GABRB1: variants seen among roughly 807,000 people sequenced by gnomAD.
GABRB1 encodes gamma-aminobutyric acid type A receptor subunit beta1.
Under a neutral mutation model 51.6 loss-of-function variants are expected in GABRB1, and 17 were observed. The observed-to-expected ratio is 0.33, with a 90% CI of 0.23 to 0.49. The LOEUF is 0.49. GABRB1 is among the 20% of genes least tolerant of loss of function. The pLI, the probability that GABRB1 is intolerant of heterozygous loss-of-function variation, is 0.99. For synonymous variants in GABRB1, 247 were observed against 218.9 expected, an observed-to-expected ratio of 1.13 and a Z score of -1.14; for missense variants, 410 against 600.6, an observed-to-expected ratio of 0.68 and a Z score of 3.32.
At chr4:47,196,872 C>A (rs777589277) in intron 4 of GABRB1, among the ~76,000 whole-genome samples, 17 of 152,232 alleles carry the variant, frequency 1.1e-4, no homozygotes, top group Non-Finnish European at 2.2e-4. Flanking sequence ...CTCTGTAGAG[C>A]AGTCCTTTAC....
At chr4:47,286,766 A>G (rs1310062832) in intron 4 of GABRB1, among the ~76,000 whole-genome samples, 3 of 152,230 alleles carry the variant, frequency 2.0e-5, no homozygotes, top group Non-Finnish European at 2.9e-5. Context: ...AATGTAGACA[A>G]TAAATTAATA....
chr4:47,323,323 T>C (rs1725148031), intron 5 of GABRB1, among the ~76,000 whole-genome samples: 1 of 152,202 alleles, frequency 6.6e-6, no homozygotes, highest in South Asian at 2.1e-4. Context: ...TAAACCAATG[T>C]AGAGTTCCTA....
rs543931748 is a variant in GABRB1 at position 47,422,717 on chromosome 4, T to G, written c.1081-2957T>G. On this transcript the variant is annotated intron_variant, in intron 8 of 8. Coordinates refer to ENST00000295454, the MANE Select transcript of GABRB1 (RefSeq NM_000812.4). ...ACATTATCCCAGTCATCACCACATA[T>G]ACATTATTTGCTGGACACCACCACA... 5.0e-4 allele frequency among the ~76,000 whole-genome samples: 76 copies of G among 152,324 alleles called. 1 individual carries two copies. Among genetic ancestry groups the G allele is most frequent in the African/African-American group, 1.6e-3 (66 of 41,574 alleles).
At chr4:47,032,302 G>A (rs1725353509) in intron 2 of GABRB1, 115 bp from the exon 3 acceptor site, 3 of 971,232 alleles carry the variant, frequency 3.1e-6, no homozygotes, top group Non-Finnish European at 4.6e-6. Flanking sequence ...GGGTGGTGGG[G>A]GGAGCAGGGA....
At chr4:47,027,169 T>C (rs907975248), upstream of GABRB1, among the ~76,000 whole-genome samples, 32 of 151,596 alleles carry the variant, frequency 2.1e-4, no homozygotes, top group Non-Finnish European at 3.7e-4. Flanking sequence ...AGAGCGTACA[T>C]TTTGAAACAA....
intron 1 of GABRB1, among the ~76,000 whole-genome samples, chr4:47,022,891 T>G (rs1487353358): frequency 6.6e-6 from 1 of 152,100 alleles, no homozygotes; most frequent in East Asian, 1.9e-4. Context: ...GCTGCAGCAC[T>G]GTTTACAATA....
At chr4:47,230,658 C>T (rs1721109336) in intron 4 of GABRB1, among the ~76,000 whole-genome samples, 1 of 152,188 alleles carries the variant, frequency 6.6e-6, no homozygotes, top group East Asian at 1.9e-4. Context: ...TCTTATGGAT[C>T]TCTATCTTCC....
At chr4:47,376,059 T>C (rs916129917) in intron 5 of GABRB1, among the ~76,000 whole-genome samples, 5 of 152,164 alleles carry the variant, frequency 3.3e-5, no homozygotes, top group Admixed American at 6.5e-5. Flanking sequence ...AGAAATTCTG[T>C]CCTGGAACCA....
chr4:47,175,196 C>G (rs1041199375), intron 4 of GABRB1, among the ~76,000 whole-genome samples: 4 of 146,170 alleles, frequency 2.7e-5, no homozygotes, highest in Admixed American at 7.0e-5. Flanking sequence ...CTCTCTCTCT[C>G]TTTCTTTCTT....
At chr4:47,092,694 C>T (rs1728377416) in intron 3 of GABRB1, among the ~76,000 whole-genome samples, 2 of 151,438 alleles carry the variant, frequency 1.3e-5, no homozygotes, top group South Asian at 4.2e-4. Flanking sequence ...CTCACTGCAA[C>T]CCCCACCTCC....
intron 1 of GABRB1, among the ~76,000 whole-genome samples, chr4:47,019,860 C>T (rs1724872847): frequency 1.4e-5 from 2 of 142,936 alleles, no homozygotes; most frequent in Non-Finnish European, 3.0e-5. Flanking sequence ...CACATGCCAC[C>T]ACCCTGGCTA....
chr4:47,381,096 T>G (rs1433670890), intron 5 of GABRB1, among the ~76,000 whole-genome samples: 1 of 152,162 alleles, frequency 6.6e-6, no homozygotes, highest in Non-Finnish European at 1.5e-5. Flanking sequence ...CTAGTCCTTG[T>G]GCACTGTCTC....
chr4:47,297,555 C>A (rs2109932305), intron 4 of GABRB1, among the ~76,000 whole-genome samples: 1 of 152,148 alleles, frequency 6.6e-6, no homozygotes, highest in Non-Finnish European at 1.5e-5. Context: ...AAGACTAAAC[C>A]AGGAAGAGGT....
chr4:47,302,036 T>G (rs1724280989), intron 4 of GABRB1, among the ~76,000 whole-genome samples: 1 of 152,094 alleles, frequency 6.6e-6, no homozygotes, highest in South Asian at 2.1e-4. Flanking sequence ...GTTACAAATA[T>G]AAAGAAATGT....
intron 1 of GABRB1, among the ~76,000 whole-genome samples, chr4:47,005,934 G>T (rs538145450): frequency 2.0e-5 from 3 of 147,600 alleles, no homozygotes. Context: ...ATTTCTTCCT[G>T]TACTTATTTT....
At chr4:47,069,305 T>A (rs1032785432) in intron 3 of GABRB1, among the ~76,000 whole-genome samples, 5 of 152,224 alleles carry the variant, frequency 3.3e-5, no homozygotes, top group Admixed American at 2.6e-4. Flanking sequence ...CCTATTCTAC[T>A]TTCTAGTTGA....
At chr4:47,259,652 G>T (rs1560302152) in intron 4 of GABRB1, among the ~76,000 whole-genome samples, 1 of 152,100 alleles carries the variant, frequency 6.6e-6, no homozygotes, top group Non-Finnish European at 1.5e-5. Flanking sequence ...TTAGCTCAAG[G>T]TTATATGACA....
chr4:47,096,527 C>T (rs564908654), intron 3 of GABRB1, among the ~76,000 whole-genome samples: 9 of 152,274 alleles, frequency 5.9e-5, no homozygotes, highest in African/African-American at 9.6e-5. Context: ...CCCTAATCCT[C>T]GGAACCTGTG....
intron 5 of GABRB1, among the ~76,000 whole-genome samples, chr4:47,370,930 TC>T (rs1397060626): frequency 2.0e-5 from 3 of 149,134 alleles, no homozygotes; most frequent in Non-Finnish European, 1.5e-5. Context: ...ATTTTTTTTT[TC>T]TTCAACTTTT....
Sources: allele counts gnomAD v4.1 joint callset (sites outside exome capture counted in the v4.1 genomes callset), GRCh38; gene constraint gnomAD v4.1.1; transcripts MANE v1.5; gene names NCBI Gene and HGNC (gene_info 2026-07-23, HGNC 2026-07-21).